The following PHACTR1 variants were observed in gnomAD, a reference collection of about 807,000 sequenced individuals.
PHACTR1 encodes phosphatase and actin regulator 1.
A neutral mutation model predicts 69.2 loss-of-function variants in PHACTR1; 16 were observed. That is an observed-to-expected ratio of 0.23 (90% CI 0.16 to 0.35). The LOEUF (loss-of-function observed/expected upper bound fraction) is 0.35, where lower values mean the gene tolerates loss of function less well. Ranked by LOEUF, PHACTR1 falls within the 10% of genes least tolerant of loss-of-function variation. The probability of loss-of-function intolerance (pLI) is 1.00; values close to 1 mark genes in which losing one functional copy is unlikely to be tolerated. For synonymous variants in PHACTR1, 312 were observed against 284.5 expected, an observed-to-expected ratio of 1.10 and a Z score of -0.97; for missense variants, 510 against 734.7, an observed-to-expected ratio of 0.69 and a Z score of 3.54.
chr6:13,058,174 T>G (rs148042457), intron 5 of PHACTR1, among the ~76,000 whole-genome samples: 2 of 152,316 alleles, frequency 1.3e-5, no homozygotes, highest in African/African-American at 4.8e-5. Flanking sequence ...ACATCCCCTC[T>G]GAAATAGAAC....
At chr6:12,723,984 C>T (rs1229663098) in intron 3 of PHACTR1, among the ~76,000 whole-genome samples, 1 of 152,180 alleles carries the variant, frequency 6.6e-6, no homozygotes, top group African/African-American at 2.4e-5. Flanking sequence ...CTATCTAGGT[C>T]TTCCACTTTA....
At chr6:13,134,357 G>A (rs1821177332) in intron 5 of PHACTR1, among the ~76,000 whole-genome samples, 1 of 152,258 alleles carries the variant, frequency 6.6e-6, no homozygotes, top group Non-Finnish European at 1.5e-5. Context: ...GGAAGGTGGG[G>A]AAGTGTGGGG....
chr6:13,150,104 TG>T (rs1824074121), intron 5 of PHACTR1, among the ~76,000 whole-genome samples: 1 of 152,168 alleles, frequency 6.6e-6, no homozygotes, highest in South Asian at 2.1e-4. Context: ...CCCAACAGTT[TG>T]GAAGGCCGAG....
chr6:13,119,384 C>T (rs756612173), intron 5 of PHACTR1, among the ~76,000 whole-genome samples: 2 of 152,196 alleles, frequency 1.3e-5, no homozygotes, highest in Non-Finnish European at 2.9e-5. Context: ...TCACTTTTCT[C>T]ACAACATCAG....
At chr6:12,838,621 G>C (rs115733757) in intron 4 of PHACTR1, among the ~76,000 whole-genome samples, 2,246 of 152,294 alleles carry the variant, frequency 0.015, 22 homozygotes, top group Middle Eastern at 0.058. Flanking sequence ...TCTCTTGTTT[G>C]TGCTTTTAAT....
chr6:13,091,187 C>T (rs1181258684), intron 5 of PHACTR1, among the ~76,000 whole-genome samples: 1 of 151,814 alleles, frequency 6.6e-6, no homozygotes. Flanking sequence ...TTAGTAGAGA[C>T]GGGTTTTCAC....
At chr6:13,090,781 G>A (rs1180540143) in intron 5 of PHACTR1, among the ~76,000 whole-genome samples, 2 of 152,060 alleles carry the variant, frequency 1.3e-5, no homozygotes, top group Non-Finnish European at 2.9e-5. Flanking sequence ...AATGAGATGA[G>A]AATAAGAACA....
intron 4 of PHACTR1, among the ~76,000 whole-genome samples, chr6:12,814,009 T>C (rs529780248): frequency 4.1e-4 from 62 of 152,354 alleles, no homozygotes; most frequent in African/African-American, 1.4e-3. Flanking sequence ...TGAGCACCGC[T>C]GTTCATTCTC....
chr6:12,947,771 G>T (rs183253024), intron 4 of PHACTR1, among the ~76,000 whole-genome samples: 1 of 152,156 alleles, frequency 6.6e-6, no homozygotes, highest in Non-Finnish European at 1.5e-5. Flanking sequence ...ATTTAAATAC[G>T]TAGTAAGTGA....
intron 4 of PHACTR1, among the ~76,000 whole-genome samples, chr6:12,840,645 C>A (rs13192509): frequency 9.2e-5 from 14 of 151,982 alleles, no homozygotes; most frequent in Admixed American, 6.6e-5. Flanking sequence ...CAGTAAAATC[C>A]TAGATAGAAA....
intron 10 of PHACTR1, among the ~76,000 whole-genome samples, chr6:13,251,450 A>C (rs781663552): frequency 2.6e-5 from 4 of 152,210 alleles, no homozygotes; most frequent in Non-Finnish European, 4.4e-5. Flanking sequence ...GCATTTCAGC[A>C]TCAAGAAACT....
At chr6:12,888,370 G>C (rs71562459) in intron 4 of PHACTR1, among the ~76,000 whole-genome samples, 35,924 of 151,964 alleles carry the variant, frequency 0.24, 4,652 homozygotes, top group Middle Eastern at 0.37. Flanking sequence ...CCAGAACACT[G>C]AGAAATATAT....
chr6:12,838,543 T>C (rs1484643808), intron 4 of PHACTR1, among the ~76,000 whole-genome samples: 1 of 152,232 alleles, frequency 6.6e-6, no homozygotes, highest in Non-Finnish European at 1.5e-5. Context: ...AGTAGTAGTT[T>C]ATAACAAGTT....
intron 5 of PHACTR1, among the ~76,000 whole-genome samples, chr6:13,080,836 TA>T (rs1811262374): frequency 6.6e-6 from 1 of 152,172 alleles, no homozygotes; most frequent in Non-Finnish European, 1.5e-5. Context: ...ACCTAAATTT[TA>T]TGTCATCCTA....
chr6:12,913,965 C>G (rs950192335), intron 4 of PHACTR1, among the ~76,000 whole-genome samples: 23 of 152,032 alleles, frequency 1.5e-4, no homozygotes, highest in African/African-American at 5.3e-4. Flanking sequence ...TTTTCTTTTT[C>G]TTTTTTTGTT....
intron 4 of PHACTR1, among the ~76,000 whole-genome samples, chr6:12,925,808 C>A (rs752173380): frequency 6.6e-6 from 1 of 152,096 alleles, no homozygotes; most frequent in African/African-American, 2.4e-5. Flanking sequence ...TCTCTGCTCC[C>A]CCAAAAGCAG....
chr6:13,049,877 T>G (rs191485081), intron 4 of PHACTR1, among the ~76,000 whole-genome samples: 127 of 152,306 alleles, frequency 8.3e-4, no homozygotes, highest in African/African-American at 2.9e-3. Context: ...GGAACAGGCT[T>G]CTAGTAAAAG....
intron 4 of PHACTR1, among the ~76,000 whole-genome samples, chr6:12,864,949 T>G (rs1014771588): frequency 7.9e-5 from 12 of 152,030 alleles, no homozygotes; most frequent in African/African-American, 2.7e-4. Context: ...TCGACTGTTC[T>G]TCATTGCTAT....
At chr6:12,910,264 G>C (rs1022527844) in intron 4 of PHACTR1, among the ~76,000 whole-genome samples, 5 of 152,246 alleles carry the variant, frequency 3.3e-5, no homozygotes, top group African/African-American at 1.2e-4. Flanking sequence ...CAGCAGCAAT[G>C]TGCCATAACC....
Sources: allele counts gnomAD v4.1 joint callset (sites outside exome capture counted in the v4.1 genomes callset), GRCh38; gene constraint gnomAD v4.1.1; transcripts MANE v1.5; gene names NCBI Gene and HGNC (gene_info 2026-07-23, HGNC 2026-07-21).